TMEM178B: variants seen among roughly 807,000 people sequenced by gnomAD.
TMEM178B encodes the protein transmembrane protein 178B.
TMEM178B carries 5 observed loss-of-function variants against 31.0 expected under a neutral mutation model. The observed-to-expected ratio is 0.16, with a 90% confidence interval of 0.08 to 0.34. TMEM178B has a LOEUF of 0.34. Ranked by LOEUF, TMEM178B falls within the 10% of genes least tolerant of loss-of-function variation. The pLI is 1.00. For missense variants in TMEM178B, 275 were observed against 400.3 expected (o/e 0.69, Z 2.67); for synonymous variants, 164 against 164.0 (o/e 1.00, Z 0.00).
chr7:141,109,556 T>G (rs1795201711), intron 1 of TMEM178B, among the ~76,000 whole-genome samples: 2 of 152,234 alleles, frequency 1.3e-5, no homozygotes, highest in African/African-American at 4.8e-5. Context: ...TGTTTATTGG[T>G]GTGATTGTTT....
intron 2 of TMEM178B, among the ~76,000 whole-genome samples, chr7:141,231,454 C>G (rs947886725): frequency 6.6e-6 from 1 of 152,148 alleles, no homozygotes; most frequent in Non-Finnish European, 1.5e-5. Context: ...CAGTATGTAA[C>G]CTGAAAAAAA....
At chr7:141,447,246 G>A (rs1801776127) in intron 3 of TMEM178B, among the ~76,000 whole-genome samples, 1 of 151,992 alleles carries the variant, frequency 6.6e-6, no homozygotes. Context: ...TAGAGATGGG[G>A]GCATGGCTGT....
chr7:141,432,365 G>T (rs2116671949), intron 2 of TMEM178B, among the ~76,000 whole-genome samples: 1 of 152,148 alleles, frequency 6.6e-6, no homozygotes, highest in African/African-American at 2.4e-5. Flanking sequence ...ATGTTGGCCA[G>T]GCTGGTCTTG....
rs982269467 is a variant in TMEM178B, at chr7:141,461,340, T to C, written c.635-9196T>C. On this transcript the variant is annotated intron_variant, in intron 3 of 3. Transcript: ENST00000565468. This position sits in a 1 kb window ranked among gnomAD's most constrained non-coding sequence, Gnocchi z 4.0. ...TAGCAACAAGAGAGGAAGCCAGGAT[T>C]GGGGATCCGCAGACACCGTTCCACA... 1.3e-5 allele frequency among the ~76,000 whole-genome samples: 2 copies of C among 152,176 alleles called. No homozygotes were observed. Among genetic ancestry groups the C allele is most frequent in the African/African-American group, 4.8e-5 (2 of 41,434 alleles).
At chr7:141,281,918 G>GA (rs1192385756) in intron 2 of TMEM178B, among the ~76,000 whole-genome samples, 5 of 151,264 alleles carry the variant, frequency 3.3e-5, no homozygotes, top group African/African-American at 9.7e-5. Context: ...TTCTGGAGGT[G>GA]AAAAAAAAAT....
chr7:141,285,316 A>T (rs1026104192), intron 2 of TMEM178B, among the ~76,000 whole-genome samples: 1 of 150,556 alleles, frequency 6.6e-6, no homozygotes, highest in East Asian at 2.0e-4. Flanking sequence ...ACATCCTGCT[A>T]ATTTTTTTGT....
intron 1 of TMEM178B, among the ~76,000 whole-genome samples, chr7:141,148,170 T>A (rs567022348): frequency 6.6e-6 from 1 of 152,260 alleles, no homozygotes; most frequent in African/African-American, 2.4e-5. Flanking sequence ...TGGCCCCATA[T>A]CACTCCAACC....
chr7:141,312,985 A>T (rs1048505397), intron 2 of TMEM178B, among the ~76,000 whole-genome samples: 1 of 152,244 alleles, frequency 6.6e-6, no homozygotes, highest in Non-Finnish European at 1.5e-5. Flanking sequence ...GGGAGAAGAT[A>T]AAGAATGCCT....
At chr7:141,309,136 T>C (rs971385596) in intron 2 of TMEM178B, among the ~76,000 whole-genome samples, 1 of 151,956 alleles carries the variant, frequency 6.6e-6, no homozygotes, top group African/African-American at 2.4e-5. Flanking sequence ...TAAAATAACT[T>C]GGAAAAGTAT....
intron 2 of TMEM178B, among the ~76,000 whole-genome samples, chr7:141,269,686 T>C (rs1798149898): frequency 6.6e-6 from 1 of 152,234 alleles, no homozygotes; most frequent in South Asian, 2.1e-4. Flanking sequence ...TAGACATTCA[T>C]GACAGGACAG....
chr7:141,470,862 A>C lies in TMEM178B; in HGVS notation c.*76A>C. 4.7e-6 allele frequency: 4 copies of C among 857,768 alleles called. No individual in the cohort carries two copies. Among genetic ancestry groups the C allele is most frequent in the Non-Finnish European group, 4.3e-6 (3 of 692,984 alleles). The allele number at this position is 857,768 out of a possible 1,614,324, so 53.1% of individuals were successfully genotyped here. On this transcript the variant is annotated 3_prime_UTR_variant, in exon 4 of 4. Coordinates refer to ENST00000565468, the MANE Select transcript of TMEM178B (RefSeq NM_001195278.2). ...ACATATATAAAACAAAACAAAACTA[A>C]ATCAAGACGATGCCAGTGCCAAGGT...
chr7:141,281,102 T>A (rs1430400615), intron 2 of TMEM178B, among the ~76,000 whole-genome samples: 1 of 152,326 alleles, frequency 6.6e-6, no homozygotes, highest in East Asian at 1.9e-4. Context: ...AAGGGCCTTT[T>A]TTTTTTGGAT....
intron 2 of TMEM178B, among the ~76,000 whole-genome samples, chr7:141,367,438 C>A (rs928158922): frequency 6.6e-6 from 1 of 152,014 alleles, no homozygotes; most frequent in Non-Finnish European, 1.5e-5. Context: ...CTACACCTGG[C>A]TAATTTTTGT....
intron 2 of TMEM178B, among the ~76,000 whole-genome samples, chr7:141,343,542 T>A (rs1799554939): frequency 6.9e-6 from 1 of 145,880 alleles, no homozygotes; most frequent in Non-Finnish European, 1.5e-5. Context: ...TTTTTTTTTT[T>A]TTTTTTTGTG....
chr7:141,213,759 A>C (rs1234277133), intron 2 of TMEM178B, among the ~76,000 whole-genome samples: 1 of 152,162 alleles, frequency 6.6e-6, no homozygotes, highest in African/African-American at 2.4e-5. Context: ...TTCGGGTGGG[A>C]GTGGGAGGTG....
intron 2 of TMEM178B, among the ~76,000 whole-genome samples, chr7:141,284,263 G>A (rs1037104604): frequency 2.5e-4 from 38 of 152,156 alleles, no homozygotes; most frequent in African/African-American, 9.2e-4. Flanking sequence ...AGGTTCTTAC[G>A]TAGATTTTTT....
chr7:141,449,597 T>C (rs147738075), intron 3 of TMEM178B, among the ~76,000 whole-genome samples: 27 of 152,280 alleles, frequency 1.8e-4, no homozygotes, highest in African/African-American at 6.3e-4. Context: ...CCCCCTGAGA[T>C]AGGCTTAGAG....
intron 2 of TMEM178B, among the ~76,000 whole-genome samples, chr7:141,227,307 C>T (rs574319806): frequency 9.8e-5 from 15 of 152,320 alleles, no homozygotes; most frequent in African/African-American, 1.4e-4. Flanking sequence ...TCAAGTAAAA[C>T]GGTTTGAGTT....
At chr7:141,468,553 G>A (rs1413219437) in intron 3 of TMEM178B, among the ~76,000 whole-genome samples, 2 of 152,170 alleles carry the variant, frequency 1.3e-5, no homozygotes, top group Non-Finnish European at 2.9e-5. Flanking sequence ...CTCTCTGGGC[G>A]TCAATGTCCT....
Sources: allele counts gnomAD v4.1 joint callset (sites outside exome capture counted in the v4.1 genomes callset), GRCh38; gene constraint gnomAD v4.1.1; non-coding constraint Gnocchi (gnomAD v3.1); transcripts MANE v1.5; gene names NCBI Gene and HGNC (gene_info 2026-07-23, HGNC 2026-07-21).